Variants in PCDHGA7 observed in about 807,000 individuals in gnomAD.
PCDHGA7 encodes protocadherin gamma subfamily A, 7.
In PCDHGA7, 44 loss-of-function variants were observed where a neutral mutation model predicts 58.3. That is an observed-to-expected ratio of 0.75 (90% CI 0.59 to 0.97). The LOEUF is 0.97. Ranked by LOEUF, PCDHGA7 falls within the 50% of genes least tolerant of loss-of-function variation. The pLI, the probability that PCDHGA7 is intolerant of heterozygous loss-of-function variation, is 0.00. For missense variants in PCDHGA7, 1,266 were observed against 1,188.7 expected, an observed-to-expected ratio of 1.06 and a Z score of -0.96; for synonymous variants, 516 against 504.2, an observed-to-expected ratio of 1.02 and a Z score of -0.31.
intron 1 of PCDHGA7, chr5:141,416,166 T>C (rs2096001393): frequency 6.5e-6 from 1 of 152,744 alleles, no homozygotes; most frequent in Admixed American, 6.5e-5. Flanking sequence ...CAGTTGAATA[T>C]ACTAAGTTTT....
At chr5:141,469,314 C>A (rs982242861) in intron 1 of PCDHGA7, among the ~76,000 whole-genome samples, 1 of 151,982 alleles carries the variant, frequency 6.6e-6, no homozygotes, top group Non-Finnish European at 1.5e-5. Flanking sequence ...CGATGGCTCA[C>A]GCCTGTAATC....
chr5:141,502,825 G>A (rs1487995525), intron 2 of PCDHGA7, among the ~76,000 whole-genome samples: 4 of 151,216 alleles, frequency 2.6e-5, no homozygotes, highest in South Asian at 2.1e-4. Flanking sequence ...TTTCCTTGGG[G>A]AAGCCTGGAC....
At chr5:141,394,950 G>C in intron 1 of PCDHGA7, 1 of 1,613,848 alleles carries the variant, frequency 6.2e-7, no homozygotes, top group Non-Finnish European at 8.5e-7. Context: ...TGTGCTTCTG[G>C]GGCTCAGGCT....
intron 2 of PCDHGA7, among the ~76,000 whole-genome samples, chr5:141,500,333 A>G (rs1237684682): frequency 6.6e-6 from 1 of 151,336 alleles, no homozygotes; most frequent in Non-Finnish European, 1.5e-5. Context: ...CTCAGCCTCC[A>G]GAATAGCTGG....
chr5:141,469,128 T>C (rs567164869), intron 1 of PCDHGA7, among the ~76,000 whole-genome samples: 1 of 151,692 alleles, frequency 6.6e-6, no homozygotes, highest in East Asian at 1.9e-4. Context: ...ATTTAAAAAT[T>C]AGCCAGAAAT....
chr5:141,486,901 T>A lies in PCDHGA7; in HGVS notation c.2425-7906T>A. The A allele has an allele frequency of 6.2e-7, 1 of 1,614,238 alleles. No homozygotes were observed. Among genetic ancestry groups the A allele is most frequent in the Non-Finnish European group, 8.5e-7 (1 of 1,180,042 alleles). ...CTCGGGCCCGGCCTGGTTCCTTATG[T>A]CCCCAAGCACTGCCTCCATCAGTTG... On this transcript the variant is annotated intron_variant, in intron 1 of 3. Transcript: ENST00000518325. This position sits in a 1 kb window ranked among gnomAD's most constrained non-coding sequence, Gnocchi z 5.0.
chr5:141,475,116 C>G (rs1383017919), intron 1 of PCDHGA7, among the ~76,000 whole-genome samples: 2 of 152,128 alleles, frequency 1.3e-5, no homozygotes, highest in African/African-American at 4.8e-5. Context: ...GTAAATAGGC[C>G]TGGCTTTTTT....
intron 1 of PCDHGA7, among the ~76,000 whole-genome samples, chr5:141,481,593 G>A (rs575017133): frequency 1.3e-5 from 2 of 152,172 alleles, no homozygotes; most frequent in African/African-American, 2.4e-5. Context: ...TGAGGCCAGC[G>A]GATCACCTGA....
chr5:141,428,454 C>A, intron 1 of PCDHGA7: 1 of 365,394 alleles, frequency 2.7e-6, no homozygotes, highest in Non-Finnish European at 5.2e-6. Context: ...TTTTTCCCAA[C>A]TACAATGAGG....
At chr5:141,505,564 G>GGATGTCAAACCTGTGTAGTTTCTCCA in intron 3 of PCDHGA7, 83 bp downstream of exon 3, 1 of 1,603,196 alleles carries the variant, frequency 6.2e-7, no homozygotes, top group Non-Finnish European at 8.5e-7. Context: ...CCCACGGACT[G>GGATGTCAAACCTGTGTAGTTTCTCCA]GATGTCAAAC....
chr5:141,422,750 T>C (rs778578440), intron 1 of PCDHGA7: 4 of 1,611,900 alleles, frequency 2.5e-6, no homozygotes, highest in Non-Finnish European at 3.4e-6. Flanking sequence ...TATGTCTCTA[T>C]TAACTCCAAC....
chr5:141,417,528 A>G, intron 1 of PCDHGA7: 1 of 277,368 alleles, frequency 3.6e-6, no homozygotes, highest in Non-Finnish European at 6.7e-6. Context: ...GTCAACTCGT[A>G]GTTTAAAAAA....
chr5:141,466,646 T>C (rs954003023), intron 1 of PCDHGA7, among the ~76,000 whole-genome samples: 11 of 152,210 alleles, frequency 7.2e-5, no homozygotes, highest in African/African-American at 2.4e-4. Context: ...CATAAACTTT[T>C]CACAAAACAT....
rs923900490 is a variant in PCDHGA7, at chr5:141,383,761, C to T, written c.862C>T (p.Leu288Phe). 6 of 1,613,834 alleles carry T rather than the reference C, an allele frequency of 3.7e-6. No individual in the cohort carries two copies. The Admixed American group carries it at 1.0e-4, about 27-fold the overall frequency. ...TYSFRKITPK[L>F]PKMFHLNSLT... Reference sequence around the variant, plus strand: ...TTCTTTTCGGAAAATAACTCCTAAACTTCCAAAGATGTTTCATCTGAACTC... The same window carrying T: ...TTCTTTTCGGAAAATAACTCCTAAATTTCCAAAGATGTTTCATCTGAACTC... Residue 288 changes from leucine to phenylalanine, a missense_variant, in exon 1 of 4, where the codon CTT (leucine) becomes TTT (phenylalanine). Coordinates refer to ENST00000518325, the MANE Select transcript of PCDHGA7 (RefSeq NM_018920.4).
chr5:141,476,267 G>T lies in PCDHGA7; in HGVS notation c.2425-18540G>T, dbSNP rs373758158. 15 of 1,614,056 alleles carry T rather than the reference G, an allele frequency of 9.3e-6. No homozygotes were observed. In the South Asian group the frequency reaches 1.6e-4, roughly 18 times the overall value. On this transcript the variant is annotated intron_variant, in intron 1 of 3. Transcript: ENST00000518325. This position sits in a 1 kb window ranked among gnomAD's most constrained non-coding sequence, Gnocchi z 7.6. ...GAAGGGTTTCGCTGTGGGCAACGTGGTCGCGAACCTTGGTTTGGATCTCGG... is the reference window on the plus strand; with the variant it reads ...GAAGGGTTTCGCTGTGGGCAACGTGTTCGCGAACCTTGGTTTGGATCTCGG...
At chr5:141,399,625 T>C (rs1270466401) in intron 1 of PCDHGA7, 9 of 1,613,796 alleles carry the variant, frequency 5.6e-6, no homozygotes, top group African/African-American at 1.3e-5. Context: ...ACTGGCCTCT[T>C]ACGTGTCCAT....
At chr5:141,399,692 G>A (rs780007896) in intron 1 of PCDHGA7, 2 of 1,613,318 alleles carry the variant, frequency 1.2e-6, no homozygotes, top group Middle Eastern at 1.7e-4. Flanking sequence ...GAGCAGCTGC[G>A]CACCTTCGAA....
At chr5:141,442,452 CA>C (rs2098325918) in intron 1 of PCDHGA7, 1 of 152,226 alleles carries the variant, frequency 6.6e-6, no homozygotes, top group Admixed American at 6.5e-5. Flanking sequence ...GACTCAATAG[CA>C]GTTTCACTGC....
Position 141,490,389 on chromosome 5 carries a change from T to C in PCDHGA7, c.2425-4418T>C, listed in dbSNP as rs1221410350. The C allele has an allele frequency of 6.2e-7, 1 of 1,614,174 alleles. No homozygotes were observed. Among genetic ancestry groups the C allele is most frequent in the African/African-American group, 1.3e-5 (1 of 75,040 alleles). On this transcript the variant is annotated intron_variant, in intron 1 of 3. Transcript: ENST00000518325. The surrounding 1 kb of genome is among the most constrained non-coding windows in gnomAD (Gnocchi z 5.4). The stretch of plus-strand genomic sequence containing the variant: ...GAGACCGGGACTCAGGTAGAAATGG[T>C]GAAGTGAGCCTTGATATCTCTCCGG...
Sources: gnomAD v4.1 joint callset for allele counts (sites outside exome capture counted in the v4.1 genomes callset) on GRCh38, gnomAD v4.1.1 for gene constraint, Gnocchi (gnomAD v3.1) non-coding constraint, MANE v1.5 for transcripts, NCBI Gene and HGNC (gene_info 2026-07-23, HGNC 2026-07-21) for gene names.